Variants in PTPRD observed in about 807,000 individuals in gnomAD.
The protein encoded by PTPRD is receptor-type tyrosine-protein phosphatase delta.
PTPRD carries 34 observed loss-of-function variants against 214.5 expected under a neutral mutation model. The observed-to-expected ratio is 0.16, with a 90% CI of 0.12 to 0.21. The LOEUF is 0.21. PTPRD is among the 10% of genes least tolerant of loss of function. The pLI is 1.00. For synonymous variants in PTPRD, 1,128 were observed against 845.7 expected, an observed-to-expected ratio of 1.33 and a Z score of -5.79; for missense variants, 2,545 against 2,398.7, an observed-to-expected ratio of 1.06 and a Z score of -1.27.
intron 9 of PTPRD, among the ~76,000 whole-genome samples, chr9:9,382,701 G>A (rs1021665950): frequency 1.3e-5 from 2 of 152,074 alleles, no homozygotes; most frequent in Middle Eastern, 3.2e-3. Flanking sequence ...CACATTGTAG[G>A]TGGGAATGTA....
chr9:9,470,650 T>C (rs997458770), intron 8 of PTPRD, among the ~76,000 whole-genome samples: 1 of 152,200 alleles, frequency 6.6e-6, no homozygotes, highest in Non-Finnish European at 1.5e-5. Context: ...AAGTATATGG[T>C]ACCAAACTTC....
chr9:9,688,508 C>T (rs1043298052), intron 7 of PTPRD, among the ~76,000 whole-genome samples: 11 of 151,744 alleles, frequency 7.2e-5, no homozygotes, highest in African/African-American at 2.7e-4. Context: ...TGATTAAGAT[C>T]AAAGGCTAAC....
intron 14 of PTPRD, among the ~76,000 whole-genome samples, chr9:8,588,667 GCA>G (rs2093861595): frequency 6.6e-6 from 1 of 152,058 alleles, no homozygotes; most frequent in Admixed American, 6.6e-5. Context: ...GTACACCTGT[GCA>G]TACACGTACC....
chr9:9,782,577 C>T (rs1197699398), intron 5 of PTPRD, among the ~76,000 whole-genome samples: 1 of 152,196 alleles, frequency 6.6e-6, no homozygotes, highest in Non-Finnish European at 1.5e-5. Flanking sequence ...ACTCCCTCAA[C>T]TTTGAACTCC....
chr9:8,362,070 G>C (rs2078645545), intron 39 of PTPRD, among the ~76,000 whole-genome samples: 1 of 152,186 alleles, frequency 6.6e-6, no homozygotes, highest in Admixed American at 6.5e-5. Context: ...ACCACCTTGG[G>C]AATTTGTACC....
At chr9:9,228,414 T>A (rs534752584) in intron 9 of PTPRD, among the ~76,000 whole-genome samples, 1 of 152,232 alleles carries the variant, frequency 6.6e-6, no homozygotes, top group East Asian at 1.9e-4. Flanking sequence ...TGTGCATGTG[T>A]ATTTGCAAAT....
chr9:9,008,378 C>G (rs192718609), intron 11 of PTPRD, among the ~76,000 whole-genome samples: 3 of 151,792 alleles, frequency 2.0e-5, no homozygotes, highest in African/African-American at 7.3e-5. Flanking sequence ...CAGGCTCCCG[C>G]CACCACACCC....
At chr9:9,166,376 CAG>C (rs2099903990) in intron 10 of PTPRD, among the ~76,000 whole-genome samples, 1 of 152,150 alleles carries the variant, frequency 6.6e-6, no homozygotes, top group African/African-American at 2.4e-5. Context: ...ACTCCATCCA[CAG>C]AGAGCTCTCT....
At chr9:10,365,089 C>T (rs922228013) in intron 2 of PTPRD, among the ~76,000 whole-genome samples, 7 of 152,084 alleles carry the variant, frequency 4.6e-5, no homozygotes, top group East Asian at 1.9e-4. Context: ...TTACCTCAGG[C>T]GAGACTACAT....
intron 3 of PTPRD, among the ~76,000 whole-genome samples, chr9:10,051,545 A>C (rs2097535062): frequency 1.3e-5 from 2 of 151,732 alleles, no homozygotes; most frequent in South Asian, 4.2e-4. Context: ...GGTGTGCTGC[A>C]CCCATTAACT....
intron 11 of PTPRD, among the ~76,000 whole-genome samples, chr9:8,911,736 C>T (rs1412587328): frequency 6.6e-6 from 1 of 151,728 alleles, no homozygotes; most frequent in African/African-American, 2.4e-5. Flanking sequence ...TGAAAAATGA[C>T]CCACAAATGA....
At chr9:9,964,534 C>T (rs902401371) in intron 4 of PTPRD, among the ~76,000 whole-genome samples, 7 of 152,122 alleles carry the variant, frequency 4.6e-5, no homozygotes, top group African/African-American at 1.7e-4. Flanking sequence ...TTAATTATGA[C>T]TCAGTGGAAA....
chr9:8,368,279 C>T (rs111562434), intron 39 of PTPRD, among the ~76,000 whole-genome samples: 16 of 152,068 alleles, frequency 1.1e-4, no homozygotes, highest in African/African-American at 3.4e-4. Context: ...CCTTAGCTGG[C>T]GAGTGAGGAA....
chr9:9,343,067 C>A (rs1351269966), intron 9 of PTPRD, among the ~76,000 whole-genome samples: 2 of 152,108 alleles, frequency 1.3e-5, no homozygotes, highest in African/African-American at 2.4e-5. Context: ...TGAACTCATC[C>A]TTTTTTATAG....
chr9:8,479,091 A>G (rs981461146), intron 30 of PTPRD, among the ~76,000 whole-genome samples: 3 of 152,226 alleles, frequency 2.0e-5, no homozygotes, highest in African/African-American at 7.2e-5. Context: ...ATAAAAAGCT[A>G]CAACCTTTCC....
chr9:8,744,163 G>C (rs78750490), intron 11 of PTPRD, among the ~76,000 whole-genome samples: 1 of 152,148 alleles, frequency 6.6e-6, no homozygotes, highest in African/African-American at 2.4e-5. Context: ...TGTTGGTGTA[G>C]ATGTGGTGAA....
chr9:8,769,923 T>C lies in PTPRD; in HGVS notation c.-103-35977A>G, dbSNP rs578001243. 7.2e-5 allele frequency among the ~76,000 whole-genome samples: 11 copies of C among 151,812 alleles called. No homozygotes were observed. The South Asian group carries it at 1.9e-3, about 26-fold the overall frequency. ...TTTAAAAAATGGACATTCACGTAAA[T>C]AGGAATAAGAAATGATCTGCCAAAT... On this transcript the variant is annotated intron_variant, in intron 11 of 45. Transcript: ENST00000381196.
chr9:9,520,267 A>T (rs1056878610), intron 8 of PTPRD, among the ~76,000 whole-genome samples: 3 of 145,904 alleles, frequency 2.1e-5, no homozygotes, highest in Admixed American at 1.4e-4. Flanking sequence ...CCTAAAAGTT[A>T]TATATATATA....
intron 39 of PTPRD, among the ~76,000 whole-genome samples, chr9:8,356,572 AC>A (rs1227247844): frequency 1.3e-5 from 2 of 152,054 alleles, no homozygotes; most frequent in Non-Finnish European, 2.9e-5. Context: ...ACTCAGTGAT[AC>A]CCCTGTCCAG....
Sources: allele counts gnomAD v4.1 joint callset (sites outside exome capture counted in the v4.1 genomes callset), GRCh38; gene constraint gnomAD v4.1.1; transcripts MANE v1.5; gene names NCBI Gene and HGNC (gene_info 2026-07-23, HGNC 2026-07-21).